The following SYNE1 variants were observed in gnomAD, a reference collection of about 807,000 sequenced individuals.
SYNE1 encodes nesprin-1.
A neutral mutation model predicts 1,111.0 loss-of-function variants in SYNE1; 616 were observed. The observed-to-expected ratio is 0.55, with a 90% confidence interval of 0.52 to 0.59. The LOEUF (loss-of-function observed/expected upper bound fraction) is 0.59. Ranked by LOEUF, SYNE1 falls within the 20% of genes least tolerant of loss-of-function variation. The pLI is 0.00. For missense variants in SYNE1, 10,006 were observed against 10,417.0 expected, an observed-to-expected ratio of 0.96 and a Z score of 1.72; for synonymous variants, 3,855 against 3,825.8, an observed-to-expected ratio of 1.01 and a Z score of -0.28.
intron 100 of SYNE1, among the ~76,000 whole-genome samples, chr6:152,262,811 TGGAGAGATAGGACAG>T (rs1338098496): frequency 1.4e-5 from 2 of 141,650 alleles, no homozygotes; most frequent in African/African-American, 5.4e-5. Context: ...GTATAGGACA[TGGAGAGATAGGACAG>T]GACCTGAGAA....
At chr6:152,449,511 C>G (rs1163247012) in intron 28 of SYNE1, 22 bp downstream of exon 28, 3 of 1,570,450 alleles carry the variant, frequency 1.9e-6, no homozygotes, top group Non-Finnish European at 2.6e-6. Flanking sequence ...TTTCCTCTAG[C>G]AAATAATGAC....
intron 63 of SYNE1, among the ~76,000 whole-genome samples, chr6:152,363,284 G>C (rs1292519160): frequency 1.3e-5 from 2 of 148,546 alleles, no homozygotes; most frequent in African/African-American, 2.4e-5. Flanking sequence ...CACGAGGTCA[G>C]GAGATCAAGG....
intron 141 of SYNE1, among the ~76,000 whole-genome samples, chr6:152,135,458 A>G (rs2056840756): frequency 6.6e-6 from 1 of 152,222 alleles, no homozygotes; most frequent in Non-Finnish European, 1.5e-5. Flanking sequence ...GACGAAAGGA[A>G]AACTGGCATC....
At chr6:152,142,056 G>C (rs1586015940) in intron 138 of SYNE1, among the ~76,000 whole-genome samples, 1 of 152,006 alleles carries the variant, frequency 6.6e-6, no homozygotes, top group South Asian at 2.1e-4. Flanking sequence ...CTGGGTGACA[G>C]AGTGTGAGAC....
At position 152,455,794 on chromosome 6, in the gene SYNE1, T is replaced by C; in HGVS notation, c.2727+92A>G. The C allele has an allele frequency of 1.3e-5, 21 of 1,581,988 alleles. 1 individual carries two copies. The South Asian group carries it at 1.8e-4, about 13-fold the overall frequency. On this transcript the variant is annotated intron_variant, in intron 23 of 145. Transcript: ENST00000367255. ...CTTCCAAACACCAGCAGGTAAGGCG[T>C]TTTAGCAAGACCAAAAGCACGAGTG... is the stretch of plus-strand genomic sequence containing the variant.
chr6:152,266,853 G>A (rs780003859), intron 100 of SYNE1, among the ~76,000 whole-genome samples: 6 of 152,020 alleles, frequency 3.9e-5, no homozygotes, highest in African/African-American at 1.2e-4. Flanking sequence ...CAGACTGTAC[G>A]TAGTCAGCAT....
chr6:152,469,671 A>T (rs1009168562), intron 16 of SYNE1, among the ~76,000 whole-genome samples: 22 of 152,082 alleles, frequency 1.4e-4, no homozygotes, highest in South Asian at 4.1e-4. Flanking sequence ...TAAGTTAAAA[A>T]TTTTTTTTAC....
chr6:152,396,327 A>T (rs146887968), intron 50 of SYNE1, among the ~76,000 whole-genome samples: 2 of 152,302 alleles, frequency 1.3e-5, no homozygotes, highest in East Asian at 3.9e-4. Context: ...TTCTCACCCT[A>T]GTCATAGGTG....
intron 75 of SYNE1, among the ~76,000 whole-genome samples, 153 bp downstream of exon 75, chr6:152,339,088 G>A (rs1186888663): frequency 6.6e-6 from 1 of 152,144 alleles, no homozygotes; most frequent in African/African-American, 2.4e-5. Flanking sequence ...TGAGTTAGCT[G>A]AAATTCAAAT....
intron 130 of SYNE1, among the ~76,000 whole-genome samples, chr6:152,176,038 T>C (rs1264470065): frequency 6.6e-6 from 1 of 150,944 alleles, no homozygotes; most frequent in Admixed American, 6.6e-5. Flanking sequence ...TTTTTGCTAC[T>C]GCAGACAAAA....
rs2059868094 is a variant in SYNE1 at position 152,148,393 on chromosome 6, A to C, written c.24643-15T>G. On this transcript the variant is annotated splice_polypyrimidine_tract_variant and intron_variant, in intron 136 of 145. Transcript: ENST00000367255. The surrounding 1 kb of genome is among the most constrained non-coding windows in gnomAD (Gnocchi z 4.1). ...TCGTCTGGGAGCTAGAAGGGAAGTC[A>C]AGGCAACCCTGTCACTGTAGTGGTC... The C allele has an allele frequency of 6.2e-7, 1 of 1,611,056 alleles. No homozygotes were observed. The highest frequency in any genetic ancestry group is 8.5e-7 in the Non-Finnish European group (1 of 1,179,016).
intron 3 of SYNE1, among the ~76,000 whole-genome samples, chr6:152,551,264 C>G (rs17778357): frequency 0.1 from 15,244 of 152,102 alleles, 1,044 homozygotes; most frequent in Non-Finnish European, 0.14. Flanking sequence ...AGACCATTAA[C>G]TCGGATGTGA....
At chr6:152,364,790 T>A in intron 63 of SYNE1, 57 bp downstream of exon 63, 1 of 1,608,074 alleles carries the variant, frequency 6.2e-7, no homozygotes, top group East Asian at 2.2e-5. Context: ...TGTTCAGTAG[T>A]ATTATATTGA....
At chr6:152,292,305 A>T (rs1275992163) in intron 95 of SYNE1, among the ~76,000 whole-genome samples, 1 of 152,160 alleles carries the variant, frequency 6.6e-6, no homozygotes, top group Non-Finnish European at 1.5e-5. Context: ...CTTGGATAAC[A>T]AGGGTTAATT....
In SYNE1 at chr6:152,256,302, C is replaced by T. The variant is rs184376376; in HGVS notation, c.19104+332G>A. 6.5e-3 allele frequency among the ~76,000 whole-genome samples: 960 copies of T among 148,518 alleles called. 8 individuals are homozygous for T. Among genetic ancestry groups the T allele is most frequent in the African/African-American group, 0.022 (892 of 40,216 alleles). On this transcript the variant is annotated intron_variant, in intron 102 of 145. Coordinates refer to ENST00000367255, the MANE Select transcript of SYNE1 (RefSeq NM_182961.4). ...AAAATCAGCCAGGTGTGGTGGCACACGCCTGTAGTCCCAGCTATTCGGGAG... is the reference window on the plus strand; with the variant it reads ...AAAATCAGCCAGGTGTGGTGGCACATGCCTGTAGTCCCAGCTATTCGGGAG...
intron 3 of SYNE1, among the ~76,000 whole-genome samples, chr6:152,587,265 T>C (rs915966803): frequency 6.6e-6 from 1 of 152,202 alleles, no homozygotes; most frequent in African/African-American, 2.4e-5. Context: ...TTGTTGCTTT[T>C]GATAAGTCTC....
intron 9 of SYNE1, among the ~76,000 whole-genome samples, chr6:152,503,343 C>A: frequency 6.6e-6 from 1 of 152,172 alleles, no homozygotes; most frequent in Non-Finnish European, 1.5e-5. Context: ...TTTGAGCAAT[C>A]AAGCACTCTT....
intron 3 of SYNE1, among the ~76,000 whole-genome samples, chr6:152,575,208 C>T (rs2099491547): frequency 6.6e-6 from 1 of 152,150 alleles, no homozygotes; most frequent in Non-Finnish European, 1.5e-5. Context: ...CAAGGAGCAA[C>T]ACCTGATAAA....
At chr6:152,334,704 C>G (rs1035890970) in intron 76 of SYNE1, among the ~76,000 whole-genome samples, 1 of 152,132 alleles carries the variant, frequency 6.6e-6, no homozygotes, top group Non-Finnish European at 1.5e-5. Flanking sequence ...AGGACATTTC[C>G]TAGGTCTGCT....
Sources: gnomAD v4.1 joint callset for allele counts (sites outside exome capture counted in the v4.1 genomes callset) on GRCh38, gnomAD v4.1.1 for gene constraint, Gnocchi (gnomAD v3.1) non-coding constraint, MANE v1.5 for transcripts, NCBI Gene and HGNC (gene_info 2026-07-23, HGNC 2026-07-21) for gene names.